TBL1X: variants seen among roughly 807,000 people sequenced by gnomAD.
TBL1X encodes the protein transducin beta like 1 X-linked, also known as F-box-like/WD repeat-containing protein TBL1X.
In TBL1X, 10 loss-of-function variants were observed where a neutral mutation model predicts 50.7. The observed-to-expected ratio is 0.20, with a 90% confidence interval of 0.12 to 0.33. TBL1X has a LOEUF of 0.33. Ranked by LOEUF, TBL1X falls within the 10% of genes least tolerant of loss-of-function variation. The pLI, the probability that TBL1X is intolerant of heterozygous loss-of-function variation, is 1.00. For missense variants in TBL1X, 340 were observed against 504.4 expected (o/e 0.67, Z 3.12); for synonymous variants, 190 against 214.7 (o/e 0.88, Z 1.01).
At chrX:9,713,574 C>T (rs1359014270) in intron 16 of TBL1X, among the ~76,000 whole-genome samples, 3 of 108,081 alleles carry the variant, frequency 2.8e-5, no homozygotes, top group Non-Finnish European at 3.8e-5. Context: ...ATTACAGGTG[C>T]GCACCACCAC....
intron 2 of TBL1X, among the ~76,000 whole-genome samples, chrX:9,622,301 C>T (rs766243541): frequency 3.6e-5 from 4 of 110,976 alleles, no homozygotes; most frequent in Non-Finnish European, 7.5e-5. Context: ...CCCATCTCCA[C>T]ACCCCCGGAA....
chrX:9,534,378 A>G (rs1231193200), intron 2 of TBL1X, among the ~76,000 whole-genome samples: 2 of 111,168 alleles, frequency 1.8e-5, no homozygotes, highest in Admixed American at 9.6e-5. Flanking sequence ...TTATTCGTAT[A>G]GGGTTCTTTA....
intron 2 of TBL1X, among the ~76,000 whole-genome samples, chrX:9,586,517 G>T (rs964718509): frequency 8.9e-6 from 1 of 112,285 alleles, no homozygotes; most frequent in Non-Finnish European, 1.9e-5. Context: ...TGTTGAATGG[G>T]CATAGAGTTG....
chrX:9,669,520 A>C, intron 5 of TBL1X, among the ~76,000 whole-genome samples: 1 of 111,842 alleles, frequency 8.9e-6, no homozygotes, highest in Non-Finnish European at 1.9e-5. Context: ...GGTCCCTCAG[A>C]GCTTAAGGTC....
chrX:9,587,720 G>A (rs187389399), intron 2 of TBL1X, among the ~76,000 whole-genome samples: 81 of 111,235 alleles, frequency 7.3e-4, no homozygotes, highest in Non-Finnish European at 1.2e-3. Flanking sequence ...CCACAGAGGC[G>A]TGCACCCGTC....
intron 5 of TBL1X, among the ~76,000 whole-genome samples, chrX:9,663,760 C>CA (rs57927750): frequency 0.061 from 2,378 of 38,722 alleles, 54 homozygotes; most frequent in Non-Finnish European, 0.085. Flanking sequence ...GATTCTGTCT[C>CA]AAAAAAAAAA....
At chrX:9,489,224 G>A (rs1167638194) in intron 1 of TBL1X, among the ~76,000 whole-genome samples, 1 of 110,178 alleles carries the variant, frequency 9.1e-6, no homozygotes, top group African/African-American at 3.3e-5. Flanking sequence ...AGCGGGTGGG[G>A]CCTGGCTTCC....
At chrX:9,519,788 G>A (rs2082098245) in intron 2 of TBL1X, among the ~76,000 whole-genome samples, 1 of 111,863 alleles carries the variant, frequency 8.9e-6, no homozygotes, top group Non-Finnish European at 1.9e-5. Flanking sequence ...GGCAAGGAGA[G>A]GGGGTTGGAG....
chrX:9,565,644 C>T (rs1173271045), intron 2 of TBL1X, among the ~76,000 whole-genome samples: 3 of 110,754 alleles, frequency 2.7e-5, no homozygotes, highest in Non-Finnish European at 5.7e-5. Context: ...GCCTGGGCAG[C>T]ATAGCGTGAC....
intron 5 of TBL1X, among the ~76,000 whole-genome samples, chrX:9,678,976 C>G (rs984915924): frequency 9.0e-6 from 1 of 111,035 alleles, no homozygotes; most frequent in Admixed American, 9.6e-5. Flanking sequence ...ATCCTACCAT[C>G]CTTTATAAAA....
At chrX:9,526,956 C>T (rs919832119) in intron 2 of TBL1X, among the ~76,000 whole-genome samples, 13 of 111,383 alleles carry the variant, frequency 1.2e-4, no homozygotes, top group African/African-American at 4.2e-4. Flanking sequence ...TGATGGGGAG[C>T]GCCCTCCCCT....
At chrX:9,700,692 T>A (rs1049144970) in intron 12 of TBL1X, among the ~76,000 whole-genome samples, 1 of 111,237 alleles carries the variant, frequency 9.0e-6, no homozygotes, top group South Asian at 3.8e-4. Context: ...GGTTTGGTGT[T>A]TAATGGGGCG....
At chrX:9,640,874 G>T (rs921693753) in intron 3 of TBL1X, among the ~76,000 whole-genome samples, 1 of 111,376 alleles carries the variant, frequency 9.0e-6, no homozygotes, top group Admixed American at 9.5e-5. Flanking sequence ...CAAGTGATCC[G>T]CCCACCTTGG....
At chrX:9,608,246 T>A (rs2082594008) in intron 2 of TBL1X, among the ~76,000 whole-genome samples, 1 of 111,618 alleles carries the variant, frequency 9.0e-6, no homozygotes, top group South Asian at 3.8e-4. Flanking sequence ...GACTCACCAC[T>A]GTTGCTGTTG....
At chrX:9,647,710 A>G (rs1173436947) in intron 3 of TBL1X, among the ~76,000 whole-genome samples, 3 of 111,975 alleles carry the variant, frequency 2.7e-5, no homozygotes, top group Non-Finnish European at 5.6e-5. Flanking sequence ...TACATACTAG[A>G]AAAGAATGCC....
intron 5 of TBL1X, among the ~76,000 whole-genome samples, chrX:9,667,203 A>T (rs1170862337): frequency 9.0e-6 from 1 of 111,575 alleles, no homozygotes. Context: ...AGGAGCTTGC[A>T]GTGAGCTGAG....
intron 2 of TBL1X, among the ~76,000 whole-genome samples, chrX:9,576,148 C>A (rs781189808): frequency 4.5e-5 from 5 of 111,925 alleles, no homozygotes; most frequent in Non-Finnish European, 9.4e-5. Context: ...GTGTAGCATG[C>A]CTGAGCGCTG....
chrX:9,522,013 C>CTT (rs138830348), intron 2 of TBL1X, among the ~76,000 whole-genome samples: 3 of 88,094 alleles, frequency 3.4e-5, no homozygotes, highest in Non-Finnish European at 6.8e-5. Context: ...TTCTTCGTTT[C>CTT]TTTTTTTTTT....
At chrX:9,547,312 C>A (rs1356657674) in intron 2 of TBL1X, among the ~76,000 whole-genome samples, 7 of 109,585 alleles carry the variant, frequency 6.4e-5, no homozygotes. Flanking sequence ...TATGTCGTTT[C>A]ATTTTTTTGT....
Sources: gnomAD v4.1 joint callset for allele counts (sites outside exome capture counted in the v4.1 genomes callset) on GRCh38, gnomAD v4.1.1 for gene constraint, MANE v1.5 for transcripts, NCBI Gene and HGNC (gene_info 2026-07-23, HGNC 2026-07-21) for gene names.